MLLT10: variants seen among roughly 807,000 people sequenced by gnomAD.
MLLT10 encodes the protein MLLT10 histone lysine methyltransferase DOT1L cofactor.
Under a neutral mutation model 129.1 loss-of-function variants are expected in MLLT10, and 30 were observed. That is an observed-to-expected ratio of 0.23 (90% CI 0.17 to 0.32). The LOEUF (loss-of-function observed/expected upper bound fraction) is 0.32. Among genes scored for constraint, MLLT10 ranks in the 10% least tolerant of loss-of-function variants. MLLT10 has a pLI of 1.00. For synonymous variants in MLLT10, 490 were observed against 446.4 expected (o/e 1.10, Z -1.23); for missense variants, 1,119 against 1,268.3 (o/e 0.88, Z 1.79).
chr10:21,614,447 C>T (rs1338058890), intron 6 of MLLT10, among the ~76,000 whole-genome samples: 1 of 152,074 alleles, frequency 6.6e-6, no homozygotes, highest in East Asian at 1.9e-4. Flanking sequence ...CCTTTAGAGG[C>T]ATGGCCTTTC....
chr10:21,624,533 A>G, intron 8 of MLLT10: 2 of 1,068,230 alleles, frequency 1.9e-6, no homozygotes, highest in Non-Finnish European at 2.6e-6. Context: ...TTTTTGAAGA[A>G]TGTAGATCTA....
chr10:21,594,585 C>T (rs2042853090), intron 4 of MLLT10, among the ~76,000 whole-genome samples: 1 of 130,204 alleles, frequency 7.7e-6, no homozygotes, highest in African/African-American at 2.9e-5. Context: ...AAGGACCCTT[C>T]ATCCTCACCA....
chr10:21,738,306 T>C, intron 21 of MLLT10: 1 of 864,218 alleles, frequency 1.2e-6, no homozygotes, highest in Non-Finnish European at 1.6e-6. Context: ...TAAGATGGGA[T>C]CTTGTTTTTT....
intron 14 of MLLT10, among the ~76,000 whole-genome samples, chr10:21,715,598 T>G (rs1376331953): frequency 6.6e-6 from 1 of 152,232 alleles, no homozygotes; most frequent in African/African-American, 2.4e-5. Context: ...CTTTTCTGTC[T>G]TTATAAAAGT....
intron 5 of MLLT10, among the ~76,000 whole-genome samples, chr10:21,610,501 A>G (rs1483170758): frequency 2.6e-5 from 4 of 152,140 alleles, no homozygotes; most frequent in Non-Finnish European, 5.9e-5. Flanking sequence ...TTACTTGGGT[A>G]AATTTTTTTC....
chr10:21,569,745 T>C (rs1460559033), intron 3 of MLLT10, among the ~76,000 whole-genome samples: 6 of 151,060 alleles, frequency 4.0e-5, no homozygotes, highest in African/African-American at 1.5e-4. Context: ...TTAAAAAATC[T>C]TTTTGTAGAG....
At chr10:21,708,312 T>TA (rs2055729391) in intron 13 of MLLT10, among the ~76,000 whole-genome samples, 1 of 152,232 alleles carries the variant, frequency 6.6e-6, no homozygotes, top group Non-Finnish European at 1.5e-5. Flanking sequence ...TCATGCATTG[T>TA]AACATTTAGC....
intron 16 of MLLT10, among the ~76,000 whole-genome samples, chr10:21,729,860 T>C (rs1348531636): frequency 2.0e-5 from 3 of 152,226 alleles, no homozygotes; most frequent in African/African-American, 4.8e-5. Flanking sequence ...CCAAAAAGTG[T>C]AGAGAACATT....
At chr10:21,722,257 G>C (rs915667672) in intron 14 of MLLT10, among the ~76,000 whole-genome samples, 4 of 152,248 alleles carry the variant, frequency 2.6e-5, no homozygotes, top group South Asian at 2.1e-4. Context: ...GATCCAAGGA[G>C]AGTGTCTATT....
intron 4 of MLLT10, among the ~76,000 whole-genome samples, chr10:21,586,854 A>G (rs970283108): frequency 1.3e-4 from 19 of 151,834 alleles, no homozygotes; most frequent in African/African-American, 4.6e-4. Flanking sequence ...ACCATTGCCC[A>G]TTAGCCTGCG....
intron 14 of MLLT10, among the ~76,000 whole-genome samples, chr10:21,720,740 TTGG>T (rs1398009614): frequency 2.0e-5 from 3 of 152,226 alleles, no homozygotes; most frequent in African/African-American, 7.2e-5. Context: ...CAGAATATAA[TTGG>T]TAAGTTGTAT....
At chr10:21,670,832 G>T in intron 10 of MLLT10, 128 bp downstream of exon 10, 2 of 1,056,894 alleles carry the variant, frequency 1.9e-6, no homozygotes, top group South Asian at 2.1e-5. Context: ...ATGATTAGTT[G>T]CTTTAGTAAG....
chr10:21,689,934 G>A (rs2053696586), intron 13 of MLLT10, among the ~76,000 whole-genome samples: 1 of 151,856 alleles, frequency 6.6e-6, no homozygotes, highest in African/African-American at 2.4e-5. Flanking sequence ...TCAAACTGAT[G>A]AGATGTGTAT....
intron 3 of MLLT10, among the ~76,000 whole-genome samples, chr10:21,547,106 G>A (rs944029773): frequency 1.3e-5 from 2 of 151,968 alleles, no homozygotes; most frequent in African/African-American, 4.8e-5. Flanking sequence ...CTGACCTCAG[G>A]TAATCCTCCT....
chr10:21,644,874 T>C (rs73592596), intron 8 of MLLT10, among the ~76,000 whole-genome samples: 1,825 of 152,210 alleles, frequency 0.012, 37 homozygotes, highest in African/African-American at 0.041. Context: ...CAAGTGATTC[T>C]CTCACCTAGG....
At chr10:21,579,901 A>C (rs2041214917) in intron 3 of MLLT10, among the ~76,000 whole-genome samples, 1 of 151,820 alleles carries the variant, frequency 6.6e-6, no homozygotes, top group Admixed American at 6.6e-5. Flanking sequence ...CTTCAAGTTC[A>C]CTGACTCTTT....
At chr10:21,551,425 G>A (rs1046564606) in intron 3 of MLLT10, among the ~76,000 whole-genome samples, 2 of 145,928 alleles carry the variant, frequency 1.4e-5, no homozygotes, top group Non-Finnish European at 3.0e-5. Flanking sequence ...TGTTACTGCT[G>A]ACTCATAATC....
In MLLT10 at chr10:21,738,877, T is replaced by G. The variant is rs150795576; in HGVS notation, c.2956-1153T>G. On this transcript the variant is annotated intron_variant, in intron 21 of 22. Coordinates refer to ENST00000307729, the MANE Select transcript of MLLT10 (RefSeq NM_001195626.3). ...GTGGAATTCAGTGATCTCTCATCAC[T>G]GTCTGTAAATAGCATCTCTGTGCTG... Among the ~76,000 whole-genome samples, 82 of 152,334 alleles carry G rather than the reference T, an allele frequency of 5.4e-4. 1 individual carries two copies. The East Asian group carries it at 0.015, about 29-fold the overall frequency.
chr10:21,636,490 T>C (rs752945874), intron 8 of MLLT10, among the ~76,000 whole-genome samples: 4 of 152,330 alleles, frequency 2.6e-5, no homozygotes, highest in Admixed American at 6.5e-5. Context: ...ATATGTCTTA[T>C]TGTCAGACTG....
Sources: allele counts gnomAD v4.1 joint callset (sites outside exome capture counted in the v4.1 genomes callset), GRCh38; gene constraint gnomAD v4.1.1; transcripts MANE v1.5; gene names NCBI Gene and HGNC (gene_info 2026-07-23, HGNC 2026-07-21).